Variants in BRINP3 observed in about 807,000 individuals in gnomAD.
BRINP3 encodes BMP/retinoic acid inducible neural specific 3, also known as BMP/retinoic acid-inducible neural-specific protein 3.
Under a neutral mutation model 71.0 loss-of-function variants are expected in BRINP3, and 19 were observed. That is an observed-to-expected ratio of 0.27 (90% confidence interval 0.19 to 0.39). BRINP3 has a LOEUF of 0.39. BRINP3 is among the 10% of genes least tolerant of loss of function. The pLI, the probability that BRINP3 is intolerant of heterozygous loss-of-function variation, is 1.00. For missense variants in BRINP3, 959 were observed against 940.8 expected, an observed-to-expected ratio of 1.02 and a Z score of -0.25; for synonymous variants, 380 against 337.7, an observed-to-expected ratio of 1.13 and a Z score of -1.37.
intron 2 of BRINP3, among the ~76,000 whole-genome samples, chr1:190,302,548 C>G (rs1164797659): frequency 6.6e-6 from 1 of 151,774 alleles, no homozygotes; most frequent in Non-Finnish European, 1.5e-5. Context: ...TTGGACACCT[C>G]TCAGTTACAC....
intron 7 of BRINP3, among the ~76,000 whole-genome samples, chr1:190,106,084 G>C (rs911993721): frequency 1.3e-5 from 2 of 151,854 alleles, no homozygotes; most frequent in Admixed American, 1.3e-4. Flanking sequence ...TAAGTGATTA[G>C]TGTGATTGAG....
intron 7 of BRINP3, among the ~76,000 whole-genome samples, chr1:190,134,575 C>T (rs1393723867): frequency 6.6e-6 from 1 of 152,008 alleles, no homozygotes; most frequent in Non-Finnish European, 1.5e-5. Context: ...TATAATTATT[C>T]TGAGCAGTGA....
Position 190,177,639 on chromosome 1 carries a change from C to T in BRINP3, c.962-16749G>A, listed in dbSNP as rs111564602. 3.7e-3 allele frequency among the ~76,000 whole-genome samples: 557 copies of T among 152,028 alleles called. 4 individuals are homozygous for T. Among genetic ancestry groups the T allele is most frequent in the African/African-American group, 0.012 (516 of 41,508 alleles). On this transcript the variant is annotated intron_variant, in intron 6 of 7. Coordinates refer to ENST00000367462, the MANE Select transcript of BRINP3 (RefSeq NM_199051.3). ...TGTATTGTTAGCAAACTCTACAATC[C>T]GATATTTACAATACCAATACCCCAT... is the stretch of plus-strand genomic sequence containing the variant.
chr1:190,194,558 C>T (rs1224930974), intron 6 of BRINP3, among the ~76,000 whole-genome samples: 10 of 152,074 alleles, frequency 6.6e-5, no homozygotes, highest in Non-Finnish European at 1.5e-4. Flanking sequence ...ATGTTGAAAA[C>T]TACACTTTGT....
intron 6 of BRINP3, among the ~76,000 whole-genome samples, chr1:190,213,165 T>C (rs951057543): frequency 2.0e-5 from 3 of 152,006 alleles, no homozygotes; most frequent in African/African-American, 7.2e-5. Context: ...CACACTCAGA[T>C]GTCAGAAAAA....
chr1:190,208,462 C>T (rs576239583), intron 6 of BRINP3, among the ~76,000 whole-genome samples: 5 of 151,942 alleles, frequency 3.3e-5, no homozygotes, highest in Admixed American at 1.3e-4. Context: ...GTGTGAGAAC[C>T]ATGTACTTTA....
intron 6 of BRINP3, among the ~76,000 whole-genome samples, chr1:190,204,992 A>G (rs934441745): frequency 3.7e-5 from 1 of 26,976 alleles, no homozygotes; most frequent in African/African-American, 2.9e-4. Context: ...TCCTTTGGCA[A>G]AAAAAAAAAA....
chr1:190,384,348 A>G (rs1670745198), intron 2 of BRINP3, among the ~76,000 whole-genome samples: 1 of 151,760 alleles, frequency 6.6e-6, no homozygotes, highest in Non-Finnish European at 1.5e-5. Flanking sequence ...TGCTTCTAGG[A>G]AAATCAAACT....
At chr1:190,272,232 C>T (rs114095524) in intron 3 of BRINP3, among the ~76,000 whole-genome samples, 2,227 of 151,600 alleles carry the variant, frequency 0.015, 44 homozygotes, top group African/African-American at 0.051. Context: ...CCATAATACA[C>T]TTTTATTACT....
At chr1:190,459,022 G>A (rs942137925) in intron 1 of BRINP3, among the ~76,000 whole-genome samples, 1 of 150,938 alleles carries the variant, frequency 6.6e-6, no homozygotes, top group Non-Finnish European at 1.5e-5. Context: ...TTTAAAACAT[G>A]GTGTTTAATT....
At chr1:190,145,331 C>G (rs759769708) in intron 7 of BRINP3, among the ~76,000 whole-genome samples, 1 of 152,054 alleles carries the variant, frequency 6.6e-6, no homozygotes, top group East Asian at 1.9e-4. Flanking sequence ...ATCTAAATCC[C>G]ATTTAATTTT....
intron 4 of BRINP3, among the ~76,000 whole-genome samples, chr1:190,245,669 C>T (rs918423526): frequency 6.6e-6 from 1 of 151,674 alleles, no homozygotes; most frequent in African/African-American, 2.4e-5. Flanking sequence ...TTGTTACATA[C>T]GTATACATGT....
intron 2 of BRINP3, among the ~76,000 whole-genome samples, chr1:190,316,816 A>G (rs1256051813): frequency 6.6e-6 from 1 of 152,156 alleles, no homozygotes; most frequent in East Asian, 1.9e-4. Flanking sequence ...TGAATTCAAG[A>G]CAACCAAGAA....
chr1:190,367,199 C>T (rs1669561531), intron 2 of BRINP3, among the ~76,000 whole-genome samples: 1 of 152,222 alleles, frequency 6.6e-6, no homozygotes, highest in Admixed American at 6.5e-5. Context: ...CAGGCATTTC[C>T]ACACATTCTC....
At chr1:190,444,237 C>T in intron 2 of BRINP3, among the ~76,000 whole-genome samples, 1 of 22,636 alleles carries the variant, frequency 4.4e-5, no homozygotes, top group Non-Finnish European at 1.0e-4. Context: ...AAAACTCCGT[C>T]TCAAAAAAAA....
At chr1:190,332,367 C>T (rs1211366910) in intron 2 of BRINP3, among the ~76,000 whole-genome samples, 3 of 152,052 alleles carry the variant, frequency 2.0e-5, no homozygotes, top group African/African-American at 7.2e-5. Context: ...TTTGGCTGAA[C>T]TGGTATACTG....
At chr1:190,237,675 G>T (rs183095814) in intron 4 of BRINP3, among the ~76,000 whole-genome samples, 4 of 151,784 alleles carry the variant, frequency 2.6e-5, no homozygotes, top group African/African-American at 4.8e-5. Flanking sequence ...TTCTTTATTC[G>T]CAGCACACAA....
chr1:190,383,039 G>C (rs1425421044), intron 2 of BRINP3, among the ~76,000 whole-genome samples: 1 of 152,026 alleles, frequency 6.6e-6, no homozygotes, highest in East Asian at 1.9e-4. Flanking sequence ...AGGTGGAACT[G>C]GTATATGAAA....
chr1:190,150,628 T>G (rs954051126), intron 7 of BRINP3, among the ~76,000 whole-genome samples: 2 of 152,208 alleles, frequency 1.3e-5, no homozygotes, highest in African/African-American at 4.8e-5. Context: ...AGCATCTACA[T>G]ATTTACCTAA....
Sources: gnomAD v4.1 joint callset for allele counts (sites outside exome capture counted in the v4.1 genomes callset) on GRCh38, gnomAD v4.1.1 for gene constraint, MANE v1.5 for transcripts, NCBI Gene and HGNC (gene_info 2026-07-23, HGNC 2026-07-21) for gene names.